The following CDH12 variants were observed in gnomAD, a reference collection of about 807,000 sequenced individuals.
CDH12 encodes cadherin-12.
Under a neutral mutation model 74.1 loss-of-function variants are expected in CDH12, and 41 were observed. The observed-to-expected ratio is 0.55, with a 90% CI of 0.43 to 0.72. The LOEUF (loss-of-function observed/expected upper bound fraction) is 0.72, where lower values mean the gene tolerates loss of function less well. Among genes scored for constraint, CDH12 ranks in the 30% least tolerant of loss-of-function variants. The pLI is 0.00. For missense variants in CDH12, 945 were observed against 977.2 expected, an observed-to-expected ratio of 0.97 and a Z score of 0.44; for synonymous variants, 399 against 355.0, an observed-to-expected ratio of 1.12 and a Z score of -1.39.
chr5:22,002,914 G>A (rs1736685666), intron 5 of CDH12, among the ~76,000 whole-genome samples: 2 of 151,978 alleles, frequency 1.3e-5, no homozygotes, highest in Non-Finnish European at 2.9e-5. Flanking sequence ...TTCTCACTGA[G>A]CACTCTAAGA....
intron 4 of CDH12, among the ~76,000 whole-genome samples, chr5:22,179,156 T>C (rs1027825778): frequency 1.3e-4 from 20 of 152,188 alleles, no homozygotes; most frequent in Non-Finnish European, 2.1e-4. Context: ...CTGGTAAACA[T>C]AGCATTTCAA....
At chr5:22,470,323 C>G (rs188201296) in intron 2 of CDH12, among the ~76,000 whole-genome samples, 1 of 152,106 alleles carries the variant, frequency 6.6e-6, no homozygotes, top group Admixed American at 6.5e-5. Flanking sequence ...TAGCTGTACT[C>G]CCATTATTGA....
chr5:22,529,429 T>C (rs1737482476), intron 1 of CDH12, among the ~76,000 whole-genome samples: 1 of 151,894 alleles, frequency 6.6e-6, no homozygotes, highest in African/African-American at 2.4e-5. Flanking sequence ...AAAGAGCTAA[T>C]GTTCCCATTT....
intron 1 of CDH12, among the ~76,000 whole-genome samples, chr5:22,773,286 G>A (rs1156305141): frequency 6.6e-6 from 1 of 151,986 alleles, no homozygotes; most frequent in Non-Finnish European, 1.5e-5. Context: ...AAACAGCACG[G>A]TACTGGGACA....
intron 5 of CDH12, among the ~76,000 whole-genome samples, chr5:22,036,250 T>C (rs115922254): frequency 0.018 from 2,715 of 152,232 alleles, 40 homozygotes; most frequent in African/African-American, 0.04. Context: ...GGTGATTGAA[T>C]GCTAAGGGTC....
In CDH12 at chr5:22,328,077, G is replaced by GA. The variant is rs1739197225; in HGVS notation, c.-333+77179dup. Among the ~76,000 whole-genome samples the GA allele has an allele frequency of 2.0e-5, 3 of 152,042 alleles. No homozygotes were observed. The South Asian group carries it at 6.2e-4, about 31-fold the overall frequency. On this transcript the variant is annotated intron_variant, in intron 3 of 14. Coordinates refer to ENST00000382254, the MANE Select transcript of CDH12 (RefSeq NM_004061.5). ...GGAGGTTGGAGGCAAGGATTAGGCA[G>GA]AAAAAAGAGAAAAAACTTCACTAGA... is the stretch of plus-strand genomic sequence containing the variant.
At chr5:22,508,006 T>C (rs1736456130) in intron 1 of CDH12, among the ~76,000 whole-genome samples, 1 of 152,192 alleles carries the variant, frequency 6.6e-6, no homozygotes, top group Non-Finnish European at 1.5e-5. Flanking sequence ...TGTATTCAAA[T>C]CTTCTGCCTC....
In CDH12 at chr5:22,588,327, A is replaced by G. The variant is rs1318261787; in HGVS notation, c.-522-82963T>C. 2.0e-5 allele frequency among the ~76,000 whole-genome samples: 3 copies of G among 152,170 alleles called. 1 individual carries two copies. Among genetic ancestry groups the G allele is most frequent in the Admixed American group, 2.0e-4 (3 of 15,268 alleles). On this transcript the variant is annotated intron_variant, in intron 1 of 14. Coordinates refer to ENST00000382254, the MANE Select transcript of CDH12 (RefSeq NM_004061.5). Reference sequence around the variant, plus strand: ...ATGTAAACTTGAAATTTTAGGCCACATAGACTAGTAAATTGGAAGTCATTT... The same window carrying G: ...ATGTAAACTTGAAATTTTAGGCCACGTAGACTAGTAAATTGGAAGTCATTT...
chr5:22,139,569 C>T (rs1424630890), intron 4 of CDH12: 4 of 143,868 alleles, frequency 2.8e-5, no homozygotes, highest in African/African-American at 7.9e-5. Context: ...TTTTACTTGG[C>T]GTGCAATTTC....
At chr5:22,743,260 TTATA>T (rs71609778) in intron 1 of CDH12, among the ~76,000 whole-genome samples, 4 of 90,428 alleles carry the variant, frequency 4.4e-5, no homozygotes, top group South Asian at 3.2e-4. Context: ...AGCATGGAGA[TTATA>T]TATATATATA....
At chr5:22,578,641 T>C (rs1235576277) in intron 1 of CDH12, among the ~76,000 whole-genome samples, 2 of 152,158 alleles carry the variant, frequency 1.3e-5, no homozygotes, top group Non-Finnish European at 2.9e-5. Flanking sequence ...TTAATGTTAC[T>C]GGATTCATGT....
chr5:22,850,463 A>C (rs1737499472), intron 1 of CDH12, among the ~76,000 whole-genome samples: 1 of 152,094 alleles, frequency 6.6e-6, no homozygotes, highest in Non-Finnish European at 1.5e-5. Context: ...TTAACAATTA[A>C]ATGTATTTTT....
intron 1 of CDH12, among the ~76,000 whole-genome samples, chr5:22,588,657 T>C (rs1462884735): frequency 6.6e-6 from 1 of 152,132 alleles, no homozygotes; most frequent in African/African-American, 2.4e-5. Flanking sequence ...GTCAATAAAA[T>C]AGATAAAAAG....
chr5:21,834,591 C>T (rs900307566), intron 8 of CDH12, among the ~76,000 whole-genome samples: 3 of 151,884 alleles, frequency 2.0e-5, no homozygotes, highest in Non-Finnish European at 4.4e-5. Flanking sequence ...AAACTGTATA[C>T]TAAAATTGAT....
Position 21,962,708 on chromosome 5 carries a change from C to T in CDH12, c.526+12383G>A, listed in dbSNP as rs192500015. Among the ~76,000 whole-genome samples, 377 of 152,160 alleles carry T rather than the reference C, an allele frequency of 2.5e-3. 2 individuals are homozygous for T. The highest frequency in any genetic ancestry group is 8.6e-3 in the African/African-American group (357 of 41,538). ...TTCCAGATCCTTTTGATCTGCCATG[C>T]CTGGTTTCATTATTTGTTAAGGAAA... is the stretch of plus-strand genomic sequence containing the variant. On this transcript the variant is annotated intron_variant, in intron 6 of 14. Coordinates refer to ENST00000382254, the MANE Select transcript of CDH12 (RefSeq NM_004061.5).
chr5:22,678,048 G>GGA (rs1561571416), intron 1 of CDH12, among the ~76,000 whole-genome samples: 6 of 151,552 alleles, frequency 4.0e-5, no homozygotes, highest in African/African-American at 1.5e-4. Context: ...TCCTCATGGG[G>GGA]GGGGGGGTTA....
intron 4 of CDH12, among the ~76,000 whole-genome samples, chr5:22,118,174 C>T (rs1444369922): frequency 1.3e-5 from 2 of 152,120 alleles, no homozygotes; most frequent in African/African-American, 4.8e-5. Context: ...TTTTTCACAA[C>T]AAAATGCGTG....
intron 3 of CDH12, among the ~76,000 whole-genome samples, chr5:22,276,253 C>T (rs1736632145): frequency 6.6e-6 from 1 of 152,042 alleles, no homozygotes; most frequent in African/African-American, 2.4e-5. Flanking sequence ...CGGACAACAA[C>T]AGGGCATTAA....
At chr5:22,469,866 A>G (rs558013816) in intron 2 of CDH12, among the ~76,000 whole-genome samples, 17 of 152,124 alleles carry the variant, frequency 1.1e-4, no homozygotes, top group Non-Finnish European at 2.2e-4. Flanking sequence ...GTGCAATCTC[A>G]TAGCAAAGTT....
Sources: gnomAD v4.1 joint callset for allele counts (sites outside exome capture counted in the v4.1 genomes callset) on GRCh38, gnomAD v4.1.1 for gene constraint, MANE v1.5 for transcripts, NCBI Gene and HGNC (gene_info 2026-07-23, HGNC 2026-07-21) for gene names.